The following SLCO1C1 variants were observed in gnomAD, a reference collection of about 807,000 sequenced individuals.
SLCO1C1 encodes solute carrier organic anion transporter family member 1C1, also known as OAT-RP-5.
In SLCO1C1, 70 loss-of-function variants were observed where a neutral mutation model predicts 76.4. The observed-to-expected ratio is 0.92, with a 90% confidence interval of 0.76 to 1.12. SLCO1C1 has a LOEUF of 1.12. Ranked by LOEUF, SLCO1C1 falls within the 50% of genes most tolerant of loss-of-function variation. The pLI, the probability that SLCO1C1 is intolerant of heterozygous loss-of-function variation, is 0.00. For synonymous variants in SLCO1C1, 306 were observed against 286.1 expected, an observed-to-expected ratio of 1.07 and a Z score of -0.70; for missense variants, 912 against 823.8, an observed-to-expected ratio of 1.11 and a Z score of -1.31.
intron 11 of SLCO1C1, 139 bp from the exon 12 acceptor site, chr12:20,740,045 A>T: frequency 1.2e-6 from 1 of 833,764 alleles, no homozygotes; most frequent in Non-Finnish European, 1.8e-6. Context: ...TGCTCAATAT[A>T]CTGTAATACA....
intron 5 of SLCO1C1, among the ~76,000 whole-genome samples, chr12:20,712,167 C>T (rs948023093): frequency 1.3e-5 from 2 of 152,136 alleles, no homozygotes; most frequent in African/African-American, 4.8e-5. Context: ...ATCTTAGATA[C>T]ATGGAAATAA....
chr12:20,722,587 A>G (rs1215120286), intron 8 of SLCO1C1, among the ~76,000 whole-genome samples: 1 of 152,188 alleles, frequency 6.6e-6, no homozygotes, highest in Non-Finnish European at 1.5e-5. Context: ...CACATGTCTA[A>G]TTGGTAGGCT....
intron 12 of SLCO1C1, among the ~76,000 whole-genome samples, chr12:20,740,783 T>TA (rs1406774430): frequency 0.022 from 1,176 of 53,834 alleles, 111 homozygotes; most frequent in Middle Eastern, 0.054. Context: ...AGAATTTATT[T>TA]TATTTATATA....
chr12:20,715,328 G>A (rs1175267623), intron 6 of SLCO1C1, 43 bp downstream of exon 6: 1 of 1,602,860 alleles, frequency 6.2e-7, no homozygotes, highest in African/African-American at 1.3e-5. Flanking sequence ...TGGGAAGCAG[G>A]GTGTCTAGTT....
In SLCO1C1 at chr12:20,703,153, G is replaced by C. The variant is rs73240451; in HGVS notation, c.271+1694G>C. On this transcript the variant is annotated intron_variant, in intron 3 of 14. Coordinates refer to ENST00000266509, the MANE Select transcript of SLCO1C1 (RefSeq NM_017435.5). ...CATCACAGGTTTGCCCTAATTATTT[G>C]AGTTACATAAATTTCCAGACAAATG... Among the ~76,000 whole-genome samples, 1,021 of 151,916 alleles carry C rather than the reference G, an allele frequency of 6.7e-3. 5 individuals carry two copies. Among genetic ancestry groups the C allele is most frequent in the African/African-American group, 0.024 (985 of 41,520 alleles).
chr12:20,703,561 G>T (rs1018241879), intron 3 of SLCO1C1, among the ~76,000 whole-genome samples: 7 of 151,738 alleles, frequency 4.6e-5, no homozygotes, highest in African/African-American at 7.3e-5. Flanking sequence ...GGTTTTGATA[G>T]ATACACTTTA....
chr12:20,750,587 T>G (rs1469674786), intron 13 of SLCO1C1, 88 bp from the exon 14 acceptor site: 1 of 1,199,590 alleles, frequency 8.3e-7, no homozygotes, highest in East Asian at 2.3e-5. Context: ...AAACAGTAAT[T>G]AGATTAAAGT....
At chr12:20,721,324 C>T (rs1336129020) in intron 7 of SLCO1C1, among the ~76,000 whole-genome samples, 1 of 152,156 alleles carries the variant, frequency 6.6e-6, no homozygotes, top group Non-Finnish European at 1.5e-5. Context: ...TCATACATTG[C>T]CACAGTCATT....
chr12:20,745,828 A>G (rs117982818), intron 13 of SLCO1C1, among the ~76,000 whole-genome samples: 1 of 151,954 alleles, frequency 6.6e-6, no homozygotes, highest in Non-Finnish European at 1.5e-5. Context: ...CCATCTAATA[A>G]AAAAAGAAAA....
In SLCO1C1 at chr12:20,701,426, C is replaced by T. The variant is rs781766585; in HGVS notation, c.238C>T (p.Leu80=). The change falls in exon 3 of 15, where the codon CTG becomes TTG. Residue 80 remains leucine, a synonymous_variant. Transcript: ENST00000266509. ...GAGAAGGTTTGATATCCCTTCTTCA[C>T]TGGTGGGAGTTATTGATGGTAGTTT... ...IERRFDIPSS[L]VGVIDGSFEI... is the part of the protein sequence containing the mutation. 7 of 1,541,506 alleles carry T rather than the reference C, an allele frequency of 4.5e-6. No homozygotes were observed. The highest frequency in any genetic ancestry group is 6.2e-6 in the Non-Finnish European group (7 of 1,128,860).
chr12:20,738,024 C>T (rs538607358), intron 11 of SLCO1C1, among the ~76,000 whole-genome samples: 2 of 152,192 alleles, frequency 1.3e-5, no homozygotes, highest in South Asian at 4.2e-4. Context: ...TGACCATCTT[C>T]ACCTTTTATC....
chr12:20,736,224 T>C (rs1948529566), intron 10 of SLCO1C1, among the ~76,000 whole-genome samples: 1 of 148,926 alleles, frequency 6.7e-6, no homozygotes, highest in South Asian at 2.1e-4. Context: ...GAGAGAATAC[T>C]GGGAGAGATG....
In SLCO1C1 at chr12:20,715,261, G is replaced by A. The variant is rs757171431; in HGVS notation, c.652G>A (p.Glu218Lys). ...TGCCTACCTGGATGATTTTGCCAGT[G>A]AAGACAATGCAGCTTTCTATATTGG... ...GIAYLDDFAS[E>K]DNAAFYIGCV... The change falls in exon 6 of 15, where the codon GAA (glutamate) becomes AAA (lysine). Residue 218 changes from glutamate (E) to lysine (K), a missense_variant. Coordinates refer to ENST00000266509, the MANE Select transcript of SLCO1C1 (RefSeq NM_017435.5). 2 of 1,614,048 alleles carry A rather than the reference G, an allele frequency of 1.2e-6. No individual in the cohort carries two copies. Among genetic ancestry groups the A allele is most frequent in the Non-Finnish European group, 1.7e-6 (2 of 1,179,926 alleles).
chr12:20,745,787 T>C (rs1373981284), intron 13 of SLCO1C1, among the ~76,000 whole-genome samples: 2 of 151,042 alleles, frequency 1.3e-5, no homozygotes, highest in Admixed American at 6.6e-5. Flanking sequence ...ATCACACCAC[T>C]GCACTCCAGC....
intron 3 of SLCO1C1, among the ~76,000 whole-genome samples, chr12:20,704,618 T>C (rs1481423593): frequency 1.3e-5 from 2 of 151,848 alleles, no homozygotes; most frequent in Non-Finnish European, 2.9e-5. Flanking sequence ...GCAAGTCATG[T>C]TTCTCACTAT....
intron 1 of SLCO1C1, among the ~76,000 whole-genome samples, chr12:20,698,702 A>G (rs892521742): frequency 2.6e-5 from 4 of 152,042 alleles, no homozygotes; most frequent in Admixed American, 6.6e-5. Flanking sequence ...TTAATGTACA[A>G]TTGGGTCATC....
chr12:20,736,815 T>C (rs577799041), intron 10 of SLCO1C1, among the ~76,000 whole-genome samples: 1 of 152,258 alleles, frequency 6.6e-6, no homozygotes, highest in African/African-American at 2.4e-5. Context: ...TATACACCTT[T>C]GCACAGAAGT....
At chr12:20,714,468 G>A (rs1348411326) in intron 5 of SLCO1C1, among the ~76,000 whole-genome samples, 2 of 152,138 alleles carry the variant, frequency 1.3e-5, no homozygotes, top group Non-Finnish European at 2.9e-5. Context: ...TTTAAAAATG[G>A]TTAGCCTTGA....
At position 20,733,015 on chromosome 12, in the gene SLCO1C1, A is replaced by T. The variant is rs757173033; in HGVS notation, c.1293A>T (p.Ser431=). ...GAGCTGCAAAACTCTACTTGGGATC[A>T]TCTGTCTTTGGTTACCTCCTATTTC... ...VCGAAKLYLG[S]SVFGYLLFLS... is the part of the protein sequence containing the mutation. The change falls in exon 10 of 15, where the codon TCA becomes TCT. Residue 431 remains serine (S), a synonymous_variant. Transcript: ENST00000266509. 2.8e-5 allele frequency: 45 copies of T among 1,613,810 alleles called. No homozygotes were observed. The highest frequency in any genetic ancestry group is 3.6e-5 in the Non-Finnish European group (42 of 1,179,902).
Sources: allele counts gnomAD v4.1 joint callset (sites outside exome capture counted in the v4.1 genomes callset), GRCh38; gene constraint gnomAD v4.1.1; transcripts MANE v1.5; gene names NCBI Gene and HGNC (gene_info 2026-07-23, HGNC 2026-07-21).